The following SLC25A36 variants were observed in gnomAD, a reference collection of about 807,000 sequenced individuals.
The protein encoded by SLC25A36 is solute carrier family 25 member 36.
SLC25A36 carries 24 observed loss-of-function variants against 35.3 expected under a neutral mutation model. The observed-to-expected ratio is 0.68, with a 90% CI of 0.49 to 0.96. SLC25A36 has a LOEUF of 0.96. Among genes scored for constraint, SLC25A36 ranks in the 40% least tolerant of loss-of-function variants. The pLI is 0.00. For synonymous variants in SLC25A36, 141 were observed against 132.2 expected (o/e 1.07, Z -0.46); for missense variants, 294 against 381.1 (o/e 0.77, Z 1.90).
Position 140,956,663 on chromosome 3 carries a change from G to C in SLC25A36, c.178G>C (p.Val60Leu). ...GGCTGGAGCCAGTGTCAACCGAGTA[G>C]TGTCTCCCGGACCTCTTCATTGCCT... is the stretch of plus-strand genomic sequence containing the variant. ...TMAGASVNRV[V>L]SPGPLHCLKV... The change falls in exon 2 of 7, where the codon GTG becomes CTG. Residue 60 changes from valine to leucine, a missense_variant. By Grantham distance (32) the Val-to-Leu change is conservative (BLOSUM62 1). Around this residue, in one of 2 missense-constraint regions of SLC25A36, gnomAD observed 185 missense variants for 201.5 expected, o/e 0.92. Transcript: ENST00000324194. 1 of 1,613,312 alleles carries C rather than the reference G, an allele frequency of 6.2e-7. No individual in the cohort carries two copies. The highest frequency in any genetic ancestry group is 8.5e-7 in the Non-Finnish European group (1 of 1,179,738).
chr3:140,975,472 G>A (rs868294585), intron 6 of SLC25A36, among the ~76,000 whole-genome samples: 6 of 152,190 alleles, frequency 3.9e-5, no homozygotes, highest in South Asian at 2.1e-4. Context: ...CAAGTAAATA[G>A]TTACAATTGC....
Position 140,943,955 on chromosome 3 carries a change from C to T in SLC25A36, c.41+1860C>T, listed in dbSNP as rs1029758660. On this transcript the variant is annotated intron_variant, in intron 1 of 6. Transcript: ENST00000324194. ...AACACACAGATTAGGAGCTCCATCCCCTCCCCCCCAGTCTAGCATATGTAG... is the reference window on the plus strand; with the variant it reads ...AACACACAGATTAGGAGCTCCATCCTCTCCCCCCCAGTCTAGCATATGTAG... 4.0e-5 allele frequency among the ~76,000 whole-genome samples: 6 copies of T among 149,204 alleles called. No homozygotes were observed. In the South Asian group the frequency reaches 1.0e-3, roughly 26 times the overall value.
At chr3:140,961,746 C>G (rs1056912828) in intron 3 of SLC25A36, among the ~76,000 whole-genome samples, 3 of 150,482 alleles carry the variant, frequency 2.0e-5, no homozygotes, top group African/African-American at 7.3e-5. Flanking sequence ...GTCCCAGCTG[C>G]TCAGGAGGCT....
intron 5 of SLC25A36, among the ~76,000 whole-genome samples, chr3:140,971,426 G>A (rs1432287108): frequency 6.6e-6 from 1 of 152,150 alleles, no homozygotes; most frequent in Non-Finnish European, 1.5e-5. Flanking sequence ...ACCCTAGGCT[G>A]ACAGACAGTT....
chr3:140,967,150 G>T (rs570444151), intron 4 of SLC25A36: 3 of 443,168 alleles, frequency 6.8e-6, no homozygotes, highest in Admixed American at 2.4e-5. Flanking sequence ...TCCTGAATTT[G>T]TGTGTGCATT....
intron 1 of SLC25A36, among the ~76,000 whole-genome samples, chr3:140,948,558 C>A (rs1411467924): frequency 6.6e-6 from 1 of 152,096 alleles, no homozygotes; most frequent in Admixed American, 6.5e-5. Context: ...ATATTTTATC[C>A]TTTTCATCTT....
In SLC25A36 at chr3:140,979,487, C is replaced by G. The variant is rs183744627; in HGVS notation, c.*3034C>G. ...TTGGAGCTGATAAGTACAGTTCAGCCTTTTCTCCTCAAATATATAATGACT... is the reference window on the plus strand; with the variant it reads ...TTGGAGCTGATAAGTACAGTTCAGCGTTTTCTCCTCAAATATATAATGACT... On this transcript the variant is annotated 3_prime_UTR_variant, in exon 7 of 7. Coordinates refer to ENST00000324194, the MANE Select transcript of SLC25A36 (RefSeq NM_001104647.3). 2 of 152,210 alleles carry G rather than the reference C, an allele frequency of 1.3e-5. No individual in the cohort carries two copies. The highest frequency in any genetic ancestry group is 3.9e-4 in the East Asian group (2 of 5,192). The allele number at this position is 152,210 out of a possible 1,614,324, so 9.4% of individuals were successfully genotyped here.
chr3:140,967,179 A>G, intron 4 of SLC25A36: 1 of 397,118 alleles, frequency 2.5e-6, no homozygotes, highest in Non-Finnish European at 5.1e-6. Flanking sequence ...TGATTCCTTT[A>G]TAATATTCCT....
Position 140,977,273 on chromosome 3 carries a change from A to T in SLC25A36, c.*820A>T, listed in dbSNP as rs1330418395. On this transcript the variant is annotated 3_prime_UTR_variant, in exon 7 of 7. Transcript: ENST00000324194. ...AATTATCACCTCTTTGTCATACTTA[A>T]GTATCATTTACATAAAGTGTAAAAG... The T allele has an allele frequency of 2.0e-5, 3 of 152,140 alleles. No individual in the cohort carries two copies. Among genetic ancestry groups the T allele is most frequent in the Non-Finnish European group, 4.4e-5 (3 of 68,020 alleles). 9.4% of individuals were successfully genotyped at this position (152,140 alleles called of 1,614,324 possible). A position where few individuals can be genotyped will look rare whatever the true frequency, so the allele number is the denominator to read the frequency against.
chr3:140,957,779 C>G (rs151048243), intron 2 of SLC25A36, among the ~76,000 whole-genome samples: 61 of 152,258 alleles, frequency 4.0e-4, no homozygotes, highest in Admixed American at 1.1e-3. Context: ...ATACTTCTAT[C>G]TGATTTGTAA....
At position 140,970,908 on chromosome 3, in the gene SLC25A36, T is replaced by C. The variant is rs1934883195; in HGVS notation, c.386-19T>C. Reference sequence around the variant, plus strand: ...ATTCTTCATTTTTACCAGAGTTCATTTTAAACATGTTTGTTTAGGTTTTAC... The same window carrying C: ...ATTCTTCATTTTTACCAGAGTTCATCTTAAACATGTTTGTTTAGGTTTTAC... On this transcript the variant is annotated intron_variant, in intron 4 of 6. Transcript: ENST00000324194. 6.3e-6 allele frequency: 8 copies of C among 1,269,826 alleles called. No homozygotes were observed. Among genetic ancestry groups the C allele is most frequent in the Non-Finnish European group, 9.2e-6 (8 of 871,238 alleles). 78.7% of individuals were successfully genotyped at this position (1,269,826 alleles called of 1,614,324 possible).
At position 140,978,074 on chromosome 3, in the gene SLC25A36, T is replaced by C. The variant is rs1935096439; in HGVS notation, c.*1621T>C. The stretch of plus-strand genomic sequence containing the variant: ...GTACCCTGTCGTACCCCCAACATTA[T>C]AGAATATTGCAGCGTGTCATTGCAA... On this transcript the variant is annotated 3_prime_UTR_variant, in exon 7 of 7. Coordinates refer to ENST00000324194, the MANE Select transcript of SLC25A36 (RefSeq NM_001104647.3). 1 of 152,168 alleles carries C rather than the reference T, an allele frequency of 6.6e-6. No individual in the cohort carries two copies. The highest frequency in any genetic ancestry group is 1.5e-5 in the Non-Finnish European group (1 of 68,024). The allele number at this position is 152,168 out of a possible 1,614,324, so 9.4% of individuals were successfully genotyped here.
At chr3:140,958,959 TTTGTGTGTGTGTGTGTG>T (rs1199104468) in intron 2 of SLC25A36, among the ~76,000 whole-genome samples, 1 of 123,924 alleles carries the variant, frequency 8.1e-6, no homozygotes, top group African/African-American at 3.3e-5. Context: ...AAAACAATGT[TTTGTGTGTGTGTGTGTG>T]TGTGTGTGTG....
chr3:140,966,574 G>A (rs1225289983), intron 4 of SLC25A36: 1 of 191,840 alleles, frequency 5.2e-6, no homozygotes, highest in African/African-American at 2.4e-5. Context: ...TAGAAATTGT[G>A]TTTTCATCTC....
chr3:140,951,217 C>T (rs1214055455), intron 1 of SLC25A36, among the ~76,000 whole-genome samples: 1 of 152,072 alleles, frequency 6.6e-6, no homozygotes, highest in African/African-American at 2.4e-5. Context: ...CTGGCATATT[C>T]CTTTAGACAG....
chr3:140,957,175 A>G (rs542358145), intron 2 of SLC25A36: 1 of 152,398 alleles, frequency 6.6e-6, no homozygotes, highest in East Asian at 1.9e-4. Flanking sequence ...TTGTTTTTAC[A>G]GTTTGCCATA....
At chr3:140,969,199 CTA>C (rs1221222983) in intron 4 of SLC25A36, among the ~76,000 whole-genome samples, 1 of 151,766 alleles carries the variant, frequency 6.6e-6, no homozygotes, top group Non-Finnish European at 1.5e-5. Flanking sequence ...AAATAATACT[CTA>C]TAACTTTATT....
chr3:140,970,482 G>A (rs1934873198), intron 4 of SLC25A36: 1 of 152,470 alleles, frequency 6.6e-6, no homozygotes. Flanking sequence ...TTTGACATTT[G>A]TGTAGAATTC....
chr3:140,951,553 G>C (rs1017829788), intron 1 of SLC25A36, among the ~76,000 whole-genome samples: 5 of 151,914 alleles, frequency 3.3e-5, no homozygotes, highest in African/African-American at 1.2e-4. Flanking sequence ...GCACAATCTC[G>C]GCTCACTGCA....
Sources: allele counts gnomAD v4.1 joint callset (sites outside exome capture counted in the v4.1 genomes callset), GRCh38; gene constraint gnomAD v4.1.1; regional missense constraint gnomAD v4.1.1; transcripts MANE v1.5; gene names NCBI Gene and HGNC (gene_info 2026-07-23, HGNC 2026-07-21).